DPP10: variants seen among roughly 807,000 people sequenced by gnomAD.
The protein encoded by DPP10 is inactive dipeptidyl peptidase 10.
Under a neutral mutation model 120.9 loss-of-function variants are expected in DPP10, and 33 were observed. The ratio of observed to expected loss-of-function variants is 0.27; its 90% confidence interval spans 0.21 to 0.37. The LOEUF is 0.37. Among genes scored for constraint, DPP10 ranks in the 10% least tolerant of loss-of-function variants. The pLI is 1.00. For missense variants in DPP10, 816 were observed against 942.8 expected (o/e 0.87, Z 1.76); for synonymous variants, 337 against 326.1 (o/e 1.03, Z -0.36).
chr2:114,993,955 G>C (rs922559375), intron 1 of DPP10, among the ~76,000 whole-genome samples: 2 of 151,974 alleles, frequency 1.3e-5, no homozygotes, highest in Non-Finnish European at 2.9e-5. Flanking sequence ...CCATTTTCTC[G>C]AGTAATGCTC....
intron 1 of DPP10, among the ~76,000 whole-genome samples, chr2:114,552,798 C>T (rs187663850): frequency 1.2e-3 from 180 of 152,152 alleles, no homozygotes; most frequent in African/African-American, 3.7e-3. Context: ...CACCCACCTT[C>T]GCCTCCCAAA....
At chr2:115,825,336 C>T (rs1233625959) in intron 21 of DPP10, among the ~76,000 whole-genome samples, 1 of 152,200 alleles carries the variant, frequency 6.6e-6, no homozygotes, top group East Asian at 1.9e-4. Context: ...CACTCAATCT[C>T]TCCCACTGGA....
chr2:115,553,179 C>G (rs993038249), intron 5 of DPP10, among the ~76,000 whole-genome samples: 3 of 152,018 alleles, frequency 2.0e-5, no homozygotes, highest in Non-Finnish European at 4.4e-5. Flanking sequence ...ATTTTTTATG[C>G]AAGTCTACAG....
intron 13 of DPP10, among the ~76,000 whole-genome samples, chr2:115,770,920 T>C (rs939235232): frequency 6.6e-5 from 10 of 152,148 alleles, no homozygotes; most frequent in African/African-American, 2.2e-4. Context: ...TAATATAGAT[T>C]TGTAACATTA....
intron 1 of DPP10, among the ~76,000 whole-genome samples, chr2:115,241,949 C>T (rs906400664): frequency 7.2e-5 from 11 of 152,040 alleles, no homozygotes; most frequent in Admixed American, 3.3e-4. Flanking sequence ...ATTACTAGAA[C>T]GACTTGGAAG....
intron 3 of DPP10, among the ~76,000 whole-genome samples, chr2:115,440,421 G>A (rs2071921888): frequency 6.6e-6 from 1 of 151,946 alleles, no homozygotes; most frequent in Admixed American, 6.6e-5. Flanking sequence ...TTTTGTCTGT[G>A]TTTTTCTTCC....
At chr2:114,901,516 A>T (rs1437100712) in intron 1 of DPP10, among the ~76,000 whole-genome samples, 2 of 152,168 alleles carry the variant, frequency 1.3e-5, no homozygotes, top group Non-Finnish European at 2.9e-5. Context: ...AACTCATTTT[A>T]AGAAGGGATG....
Position 114,709,657 on chromosome 2 carries a change from T to C in DPP10, c.60+266819T>C, listed in dbSNP as rs1574015651. 2.6e-5 allele frequency among the ~76,000 whole-genome samples: 4 copies of C among 152,198 alleles called. No individual in the cohort carries two copies. In the South Asian group the frequency reaches 8.3e-4, roughly 31 times the overall value. ...AAACTGCCAAGAACTAATTTCATTTTTGATGTCCTGAAGGGATATTATTAG... is the reference window on the plus strand; with the variant it reads ...AAACTGCCAAGAACTAATTTCATTTCTGATGTCCTGAAGGGATATTATTAG... On this transcript the variant is annotated intron_variant, in intron 1 of 25. Transcript: ENST00000410059.
chr2:114,508,273 C>T (rs1361353330), intron 1 of DPP10, among the ~76,000 whole-genome samples: 2 of 152,178 alleles, frequency 1.3e-5, no homozygotes, highest in Non-Finnish European at 2.9e-5. Context: ...CCATTCTCAA[C>T]CTCAGGTAAC....
At chr2:115,281,915 A>T (rs1206612876) in intron 1 of DPP10, among the ~76,000 whole-genome samples, 1 of 152,134 alleles carries the variant, frequency 6.6e-6, no homozygotes, top group Non-Finnish European at 1.5e-5. Flanking sequence ...GTGACCCAAG[A>T]ATAATCTTTA....
intron 1 of DPP10, among the ~76,000 whole-genome samples, chr2:114,826,286 CATG>C (rs1277864638): frequency 1.3e-5 from 2 of 152,044 alleles, no homozygotes; most frequent in Non-Finnish European, 2.9e-5. Context: ...TTCACTGAAA[CATG>C]ATGTTTCAGA....
At chr2:114,529,176 G>A (rs1303559739) in intron 1 of DPP10, among the ~76,000 whole-genome samples, 3 of 152,182 alleles carry the variant, frequency 2.0e-5, no homozygotes, top group Non-Finnish European at 2.9e-5. Flanking sequence ...CTATGATGTG[G>A]TGCGCCAATG....
intron 1 of DPP10, among the ~76,000 whole-genome samples, chr2:115,246,324 G>A (rs953180770): frequency 6.6e-6 from 1 of 152,104 alleles, no homozygotes; most frequent in Non-Finnish European, 1.5e-5. Flanking sequence ...CACATAATTT[G>A]CTGAGCTTTC....
At chr2:115,803,023 T>C (rs1254898741) in intron 19 of DPP10, among the ~76,000 whole-genome samples, 1 of 152,148 alleles carries the variant, frequency 6.6e-6, no homozygotes, top group Non-Finnish European at 1.5e-5. Context: ...CTAATGTTGA[T>C]AGTGGGCTGT....
intron 1 of DPP10, among the ~76,000 whole-genome samples, chr2:115,272,764 T>A (rs914801330): frequency 1.3e-5 from 2 of 152,266 alleles, no homozygotes; most frequent in Non-Finnish European, 2.9e-5. Context: ...CCCACGCACC[T>A]GCACTGGCTC....
chr2:114,546,301 GT>G (rs377736605), intron 1 of DPP10, among the ~76,000 whole-genome samples: 21 of 152,310 alleles, frequency 1.4e-4, no homozygotes, highest in African/African-American at 5.1e-4. Context: ...ATGACTTGGT[GT>G]TGAAAGCAAG....
intron 1 of DPP10, among the ~76,000 whole-genome samples, chr2:115,287,357 A>G (rs1186921924): frequency 2.0e-5 from 3 of 152,106 alleles, no homozygotes; most frequent in African/African-American, 7.2e-5. Context: ...ATGATCGTAC[A>G]GTGGTCAAGT....
At chr2:115,647,236 A>G (rs1035083195) in intron 5 of DPP10, among the ~76,000 whole-genome samples, 1 of 152,182 alleles carries the variant, frequency 6.6e-6, no homozygotes, top group Non-Finnish European at 1.5e-5. Flanking sequence ...CGCTTTATCA[A>G]GTGCCGCTCT....
intron 1 of DPP10, among the ~76,000 whole-genome samples, chr2:114,784,123 T>C (rs377606360): frequency 7.2e-5 from 11 of 152,096 alleles, no homozygotes; most frequent in Middle Eastern, 3.4e-3. Context: ...TGAAATATAG[T>C]ATATGCAGGT....
Sources: allele counts gnomAD v4.1 joint callset (sites outside exome capture counted in the v4.1 genomes callset), GRCh38; gene constraint gnomAD v4.1.1; transcripts MANE v1.5; gene names NCBI Gene and HGNC (gene_info 2026-07-23, HGNC 2026-07-21).